Variants in FBRSL1 observed in about 807,000 individuals in gnomAD.
FBRSL1 encodes the protein fibrosin like 1.
In FBRSL1, 51 loss-of-function variants were observed where a neutral mutation model predicts 89.6. The observed-to-expected ratio is 0.57, with a 90% confidence interval of 0.45 to 0.72. The LOEUF (loss-of-function observed/expected upper bound fraction) is 0.72. Ranked by LOEUF, FBRSL1 falls within the 30% of genes least tolerant of loss-of-function variation. The pLI is 0.00. For synonymous variants in FBRSL1, 779 were observed against 681.1 expected (o/e 1.14, Z -2.24); for missense variants, 1,618 against 1,451.8 (o/e 1.11, Z -1.86).
At chr12:132,493,558 C>G (rs1275759378) in intron 1 of FBRSL1, among the ~76,000 whole-genome samples, 1 of 152,212 alleles carries the variant, frequency 6.6e-6, no homozygotes, top group African/African-American at 2.4e-5. Context: ...CCCAGGCAGA[C>G]CACCCTCTCC....
chr12:132,564,676 T>C lies in FBRSL1; in HGVS notation c.646-2805T>C, dbSNP rs548940027. The stretch of plus-strand genomic sequence containing the variant: ...ACGCCCGGCTAATTTTTTGTATTTT[T>C]AGTAGAGACGGGGTTTCACCGTGTT... On this transcript the variant is annotated intron_variant, in intron 5 of 18. Coordinates refer to ENST00000680143, the MANE Select transcript of FBRSL1 (RefSeq NM_001367871.1). Among the ~76,000 whole-genome samples, 87 of 87,016 alleles carry C rather than the reference T, an allele frequency of 1.0e-3. 2 individuals are homozygous for C. The highest frequency in any genetic ancestry group is 3.8e-3 in the East Asian group (5 of 1,316). 57.1% of individuals were successfully genotyped at this position (87,016 alleles called of 152,430 possible).
chr12:132,568,103 C>T (rs1593537668), intron 6 of FBRSL1, among the ~76,000 whole-genome samples: 2 of 148,400 alleles, frequency 1.3e-5, no homozygotes, highest in African/African-American at 5.3e-5. Context: ...GGCGGGGTGT[C>T]CACGGGCCAG....
At position 132,584,819 on chromosome 12, in the gene FBRSL1, T is replaced by TACACACACACACACACACACACAC. The variant is rs72443894; in HGVS notation, c.*1051_*1074dup. The TACACACACACACACACACACACAC allele has an allele frequency of 1.0e-5, 1 of 99,482 alleles. No individual in the cohort carries two copies. Among genetic ancestry groups the TACACACACACACACACACACACAC allele is most frequent in the Non-Finnish European group, 2.1e-5 (1 of 47,172 alleles). 6.2% of individuals were successfully genotyped at this position (99,482 alleles called of 1,614,324 possible). A position where few individuals can be genotyped will look rare whatever the true frequency, so the allele number is the denominator to read the frequency against. On this transcript the variant is annotated 3_prime_UTR_variant, in exon 19 of 19. Coordinates refer to ENST00000680143, the MANE Select transcript of FBRSL1 (RefSeq NM_001367871.1). ...AGTGCAAGAGTCTAAAGGCTGATTT[T>TACACACACACACACACACACACAC]ACACACACACACACACACACACACA...
intron 4 of FBRSL1, 70 bp from the exon 5 acceptor site, chr12:132,547,933 G>A (rs2037836200): frequency 6.6e-6 from 10 of 1,525,674 alleles, no homozygotes; most frequent in Non-Finnish European, 8.9e-6. Context: ...CAGCCTGGCT[G>A]CTGCCGTGCC....
chr12:132,581,272 A>T, intron 15 of FBRSL1, 167 bp from the exon 16 acceptor site: 1 of 985,352 alleles, frequency 1.0e-6, no homozygotes, highest in Non-Finnish European at 1.2e-6. Flanking sequence ...TGTGGGGTAG[A>T]TTCCACCTCT....
chr12:132,509,349 C>T (rs547177252), intron 2 of FBRSL1: 32 of 1,246,232 alleles, frequency 2.6e-5, no homozygotes, highest in African/African-American at 1.2e-4. Flanking sequence ...CCTGGGTCAG[C>T]GCAGCTGGCC....
chr12:132,513,574 A>T (rs1022693167), intron 2 of FBRSL1, among the ~76,000 whole-genome samples: 16 of 152,100 alleles, frequency 1.1e-4, no homozygotes, highest in Non-Finnish European at 1.9e-4. Flanking sequence ...GCCTCTGCCC[A>T]CCTTGTTGTT....
At chr12:132,568,847 G>C (rs2039814713) in intron 6 of FBRSL1, among the ~76,000 whole-genome samples, 1 of 152,072 alleles carries the variant, frequency 6.6e-6, no homozygotes, top group African/African-American at 2.4e-5. Flanking sequence ...CTGGCCCCAG[G>C]TGAAGAGTGA....
chr12:132,565,706 A>G (rs1483031054), intron 5 of FBRSL1: 3 of 152,346 alleles, frequency 2.0e-5, no homozygotes, highest in East Asian at 1.9e-4. Flanking sequence ...CCAGATCCAC[A>G]TAACACTCCT....
At position 132,570,486 on chromosome 12, in the gene FBRSL1, C is replaced by T. The variant is rs888111081; in HGVS notation, c.1159C>T (p.Pro387Ser). Reference protein sequence around the residue: ...AAMFAAPPTLPPPPALPASSL... With the variant: ...AAMFAAPPTLSPPPALPASSL... ...CATGTTTGCCGCACCCCCGACACTG[C>T]CCCCGCCCCCGGCGCTGCCGGCCAG... The change falls in exon 8 of 19, where the codon CCC (proline) becomes TCC (serine). Residue 387 changes from proline to serine, a missense_variant. Transcript: ENST00000680143. 58 of 1,529,348 alleles carry T rather than the reference C, an allele frequency of 3.8e-5. No homozygotes were observed. The highest frequency in any genetic ancestry group is 5.5e-5 in the African/African-American group (4 of 72,216). 94.7% of individuals were successfully genotyped at this position (1,529,348 alleles called of 1,614,324 possible). A position where few individuals can be genotyped will look rare whatever the true frequency, so the allele number is the denominator to read the frequency against.
In FBRSL1 at chr12:132,581,764, T is replaced by C. The variant is rs2040766575; in HGVS notation, c.1936T>C (p.Phe646Leu). Residue 646 changes from phenylalanine (F) to leucine (L), a missense_variant, in exon 17 of 19, where the codon TTT (phenylalanine) becomes CTT (leucine). Phe to Leu is a conservative substitution (Grantham distance 22). Coordinates refer to ENST00000680143, the MANE Select transcript of FBRSL1 (RefSeq NM_001367871.1). Reference sequence around the variant, plus strand: ...AGACCCTTTCAGCAGACCGAGCACCTTTGGGGGCCTGGGCAGCCTGAGCAG... The same window carrying C: ...AGACCCTTTCAGCAGACCGAGCACCCTTGGGGGCCTGGGCAGCCTGAGCAG... Reference protein sequence around the residue: ...LTDPFSRPSTFGGLGSLSSHA... With the variant: ...LTDPFSRPSTLGGLGSLSSHA... 1.9e-6 allele frequency: 3 copies of C among 1,549,760 alleles called. No individual in the cohort carries two copies. The highest frequency in any genetic ancestry group is 2.6e-6 in the Non-Finnish European group (3 of 1,146,702).
chr12:132,507,360 G>C lies in FBRSL1; in HGVS notation c.292-793G>C, dbSNP rs936014254. 7 of 985,346 alleles carry C rather than the reference G, an allele frequency of 7.1e-6. No homozygotes were observed. In the African/African-American group the frequency reaches 1.2e-4, roughly 17 times the overall value. The allele number at this position is 985,346 out of a possible 1,614,324, so 61.0% of individuals were successfully genotyped here. A position where few individuals can be genotyped will look rare whatever the true frequency, so the allele number is the denominator to read the frequency against. On this transcript the variant is annotated intron_variant, in intron 1 of 18. Coordinates refer to ENST00000680143, the MANE Select transcript of FBRSL1 (RefSeq NM_001367871.1). ...GCCGTATCTGTCTGCACCAGCCCTG[G>C]TGCCAGGAGCTGAGCCAGCATACAG...
intron 2 of FBRSL1, among the ~76,000 whole-genome samples, chr12:132,518,103 C>T (rs2035007219): frequency 6.6e-6 from 1 of 152,158 alleles, no homozygotes; most frequent in African/African-American, 2.4e-5. Flanking sequence ...CAGGGCCTTG[C>T]AGACACTTAC....
intron 15 of FBRSL1, among the ~76,000 whole-genome samples, chr12:132,579,122 C>T (rs989761690): frequency 1.3e-5 from 2 of 152,162 alleles, no homozygotes; most frequent in African/African-American, 4.8e-5. Flanking sequence ...CGAGGCTGGG[C>T]CCCCTCAGTC....
chr12:132,583,480 G>A lies in FBRSL1; in HGVS notation c.2711G>A (p.Arg904His). The change falls in exon 19 of 19, where the codon CGC (arginine) becomes CAC (histidine). Residue 904 changes from arginine (R) to histidine (H), a missense_variant. Physicochemically the swap from Arg to His is conservative, Grantham distance 29. Coordinates refer to ENST00000680143, the MANE Select transcript of FBRSL1 (RefSeq NM_001367871.1). ...GAGCGCCTGCGCGGGGAGCTGGAGCGCGCGCGGGCCCCGCACCTGCCGCCC... is the reference window on the plus strand; with the variant it reads ...GAGCGCCTGCGCGGGGAGCTGGAGCACGCGCGGGCCCCGCACCTGCCGCCC... ...SPERLRGELERARAPHLPPAA... is the reference protein window; with the variant it reads ...SPERLRGELEHARAPHLPPAA... 1 of 1,051,136 alleles carries A rather than the reference G, an allele frequency of 9.5e-7. No individual in the cohort carries two copies. The highest frequency in any genetic ancestry group is 1.1e-6 in the Non-Finnish European group (1 of 871,534). 65.1% of individuals were successfully genotyped at this position (1,051,136 alleles called of 1,614,324 possible). A position where few individuals can be genotyped will look rare whatever the true frequency, so the allele number is the denominator to read the frequency against.
intron 5 of FBRSL1, chr12:132,551,576 G>C: frequency 2.2e-6 from 1 of 456,286 alleles, no homozygotes; most frequent in South Asian, 1.5e-5. Context: ...TGGGGTGCCA[G>C]CTCCCACCTG....
intron 2 of FBRSL1, among the ~76,000 whole-genome samples, chr12:132,508,554 G>A (rs780676527): frequency 1.3e-5 from 2 of 152,188 alleles, no homozygotes; most frequent in Non-Finnish European, 2.9e-5. Flanking sequence ...CGGAGGGGCC[G>A]TGACGTGCCC....
intron 1 of FBRSL1, among the ~76,000 whole-genome samples, chr12:132,506,759 T>C (rs1298556718): frequency 6.6e-6 from 1 of 152,240 alleles, no homozygotes; most frequent in African/African-American, 2.4e-5. Flanking sequence ...CTGGAGGCCA[T>C]GGGCTCTCGG....
At chr12:132,570,951 A>T (rs1566228124) in intron 8 of FBRSL1, 117 bp from the exon 9 acceptor site, 1 of 693,646 alleles carries the variant, frequency 1.4e-6, no homozygotes, top group Admixed American at 6.3e-5. Flanking sequence ...GCTCCGAGTC[A>T]GCCCGGCCCA....
Sources: gnomAD v4.1 joint callset for allele counts (sites outside exome capture counted in the v4.1 genomes callset) on GRCh38, gnomAD v4.1.1 for gene constraint, MANE v1.5 for transcripts, NCBI Gene and HGNC (gene_info 2026-07-23, HGNC 2026-07-21) for gene names.